Variants in ZNF83 observed in about 807,000 individuals in gnomAD.
ZNF83 encodes the protein zinc finger protein 83.
For synonymous variants in ZNF83, 209 were observed against 213.0 expected (o/e 0.98, Z 0.17); for missense variants, 552 against 629.9 (o/e 0.88, Z 1.32).
chr19:52,681,945 C>G (rs60130047), intron 1 of ZNF83, among the ~76,000 whole-genome samples: 28,479 of 152,100 alleles, frequency 0.19, 3,181 homozygotes, highest in East Asian at 0.35. Flanking sequence ...TTGCCCAGGT[C>G]TAAGCAATTC....
At chr19:52,690,312 AC>A (rs1265155738) in intron 1 of ZNF83, 1 of 152,844 alleles carries the variant, frequency 6.5e-6, no homozygotes, top group African/African-American at 2.4e-5. Context: ...CCAGACTCTC[AC>A]GGGGATGTCT....
intron 1 of ZNF83, among the ~76,000 whole-genome samples, chr19:52,675,561 G>A (rs1357551772): frequency 3.9e-5 from 6 of 152,074 alleles, no homozygotes; most frequent in Non-Finnish European, 7.4e-5. Context: ...GATGAACAAG[G>A]TCTTGACTTA....
exon 3 of ZNF83, chr19:52,613,853 A>T (rs764525844): frequency 6.2e-7 from 1 of 1,614,160 alleles, no homozygotes; most frequent in South Asian, 1.1e-5. Flanking sequence ...ACCTTGCCAC[A>T]TTTGTTACAT....
chr19:52,630,163 C>T (rs1238076720), intron 2 of ZNF83, among the ~76,000 whole-genome samples: 3 of 152,328 alleles, frequency 2.0e-5, no homozygotes, highest in Middle Eastern at 3.4e-3. Flanking sequence ...ACTCACTTGG[C>T]AACCACTCCC....
intron 2 of ZNF83, among the ~76,000 whole-genome samples, chr19:52,657,770 C>T (rs892940957): frequency 4.0e-5 from 6 of 151,594 alleles, no homozygotes; most frequent in African/African-American, 1.5e-4. Context: ...TCGCTTGAAC[C>T]TGGGAGGTGG....
intron 1 of ZNF83, among the ~76,000 whole-genome samples, chr19:52,662,837 G>A (rs945137281): frequency 6.6e-6 from 1 of 152,050 alleles, no homozygotes; most frequent in Non-Finnish European, 1.5e-5. Flanking sequence ...GACTGGAAGG[G>A]CCAACAGAAT....
At chr19:52,617,576 C>G (rs1280683807) in intron 2 of ZNF83, 1 of 151,892 alleles carries the variant, frequency 6.6e-6, no homozygotes, top group Non-Finnish European at 1.5e-5. Context: ...ACTAAAAATA[C>G]AAAAATTAGC....
At chr19:52,673,921 CAGG>C in intron 1 of ZNF83, among the ~76,000 whole-genome samples, 1 of 143,744 alleles carries the variant, frequency 7.0e-6, no homozygotes, top group Non-Finnish European at 1.5e-5. Flanking sequence ...GAGGCTGAGG[CAGG>C]AGAATTGGTT....
At chr19:52,624,500 T>C (rs996968717) in intron 2 of ZNF83, among the ~76,000 whole-genome samples, 6 of 152,294 alleles carry the variant, frequency 3.9e-5, no homozygotes, top group East Asian at 1.9e-4. Context: ...TTGTATCAAC[T>C]CACAAAGGGA....
chr19:52,688,624 T>G (rs1037211397), intron 1 of ZNF83, among the ~76,000 whole-genome samples: 1 of 152,070 alleles, frequency 6.6e-6, no homozygotes, highest in Non-Finnish European at 1.5e-5. Flanking sequence ...CCTTCTTCAC[T>G]CTATTCCTTC....
chr19:52,628,692 C>CT (rs577193259), intron 2 of ZNF83, among the ~76,000 whole-genome samples: 346 of 152,104 alleles, frequency 2.3e-3, no homozygotes, highest in Non-Finnish European at 4.1e-3. Flanking sequence ...CCAACACCTT[C>CT]TCTCTGTGTC....
intron 2 of ZNF83, among the ~76,000 whole-genome samples, chr19:52,625,155 A>G (rs547083661): frequency 2.2e-4 from 34 of 152,058 alleles, no homozygotes; most frequent in African/African-American, 6.3e-4. Flanking sequence ...TTCCACATCT[A>G]TCATTGAGGC....
intron 2 of ZNF83, among the ~76,000 whole-genome samples, chr19:52,659,203 C>T (rs2061545530): frequency 6.6e-6 from 1 of 152,034 alleles, no homozygotes. Context: ...TCTCTTGAGG[C>T]AACCTGTGAA....
At chr19:52,684,596 T>C (rs2061983125) in intron 1 of ZNF83, among the ~76,000 whole-genome samples, 1 of 149,852 alleles carries the variant, frequency 6.7e-6, no homozygotes, top group African/African-American at 2.5e-5. Flanking sequence ...TCTGATATGA[T>C]TGATGCAGAG....
intron 2 of ZNF83, among the ~76,000 whole-genome samples, chr19:52,619,382 CTT>C (rs760420073): frequency 5.3e-5 from 8 of 152,148 alleles, no homozygotes; most frequent in Non-Finnish European, 7.3e-5. Flanking sequence ...AATCCCAACA[CTT>C]TGGGAGGCTG....
chr19:52,644,892 C>T (rs1243307549), intron 3 of ZNF83, among the ~76,000 whole-genome samples: 1 of 151,750 alleles, frequency 6.6e-6, no homozygotes, highest in Non-Finnish European at 1.5e-5. Flanking sequence ...CACCTGTAGT[C>T]CCAGCAACTT....
At chr19:52,689,411 T>C (rs4802979) in intron 1 of ZNF83, among the ~76,000 whole-genome samples, 75,164 of 149,916 alleles carry the variant, frequency 0.5, 18,663 homozygotes, top group Middle Eastern at 0.58. Flanking sequence ...TCTCTAGCAC[T>C]CCAGATCCCC....
chr19:52,654,575 G>A (rs1241378877), intron 3 of ZNF83, among the ~76,000 whole-genome samples: 2 of 152,122 alleles, frequency 1.3e-5, no homozygotes, highest in Non-Finnish European at 2.9e-5. Context: ...AAATTAGCCA[G>A]GCATGGTGGT....
intron 1 of ZNF83, among the ~76,000 whole-genome samples, chr19:52,672,304 A>G (rs190357567): frequency 1.4e-4 from 22 of 152,342 alleles, no homozygotes; most frequent in African/African-American, 4.1e-4. Flanking sequence ...TTTTATGACT[A>G]TATCTGTAAG....
Sources: allele counts gnomAD v4.1 joint callset (sites outside exome capture counted in the v4.1 genomes callset), GRCh38; gene constraint gnomAD v4.1.1; transcripts MANE v1.5; gene names NCBI Gene and HGNC (gene_info 2026-07-23, HGNC 2026-07-21).